The following ERBIN variants were observed in gnomAD, a reference collection of about 807,000 sequenced individuals.
ERBIN encodes densin-180-like protein.
Under a neutral mutation model 158.4 loss-of-function variants are expected in ERBIN, and 60 were observed. That is an observed-to-expected ratio of 0.38 (90% CI 0.31 to 0.47). The LOEUF is 0.47. Ranked by LOEUF, ERBIN falls within the 20% of genes least tolerant of loss-of-function variation. The pLI, the probability that ERBIN is intolerant of heterozygous loss-of-function variation, is 0.99. For missense variants in ERBIN, 1,610 were observed against 1,648.0 expected (o/e 0.98, Z 0.40); for synonymous variants, 594 against 557.2 (o/e 1.07, Z -0.93).
intron 1 of ERBIN, among the ~76,000 whole-genome samples, chr5:65,972,155 A>T (rs1339886347): frequency 1.3e-5 from 2 of 152,170 alleles, no homozygotes; most frequent in Non-Finnish European, 2.9e-5. Context: ...TGTCCATCTT[A>T]GTATTGCCAG....
intron 1 of ERBIN, among the ~76,000 whole-genome samples, chr5:65,961,655 T>C (rs1337148325): frequency 1.3e-5 from 2 of 152,206 alleles, no homozygotes; most frequent in Non-Finnish European, 2.9e-5. Flanking sequence ...TCTAGACTTA[T>C]TTCCATTAGG....
intron 1 of ERBIN, among the ~76,000 whole-genome samples, chr5:65,955,966 T>G (rs1392914756): frequency 6.6e-6 from 1 of 152,198 alleles, no homozygotes; most frequent in Non-Finnish European, 1.5e-5. Context: ...TACCCGCCCA[T>G]TAGTCACTTA....
chr5:65,967,261 A>C (rs1161197705), intron 1 of ERBIN, among the ~76,000 whole-genome samples: 1 of 152,246 alleles, frequency 6.6e-6, no homozygotes, highest in Non-Finnish European at 1.5e-5. Flanking sequence ...AAATAAATTT[A>C]CATAGCCTAA....
At chr5:66,057,407 A>T (rs1024344364) in intron 21 of ERBIN, among the ~76,000 whole-genome samples, 2 of 152,212 alleles carry the variant, frequency 1.3e-5, no homozygotes, top group Admixed American at 1.3e-4. Flanking sequence ...ATACAAAGAA[A>T]TTATCAGCTG....
Position 66,054,232 on chromosome 5 carries a change from T to C in ERBIN, c.2914T>C (p.Tyr972His), listed in dbSNP as rs561804124. 24 of 1,614,088 alleles carry C rather than the reference T, an allele frequency of 1.5e-5. No individual in the cohort carries two copies. Among genetic ancestry groups the C allele is most frequent in the Non-Finnish European group, 2.0e-5 (24 of 1,180,016 alleles). ...TGGCCCACAATCTGCACCTCAAATATATGGTCCTCCACAGTATAATATCCA... is the reference window on the plus strand; with the variant it reads ...TGGCCCACAATCTGCACCTCAAATACATGGTCCTCCACAGTATAATATCCA... ...TSGPQSAPQI[Y>H]GPPQYNIQYS... The change falls in exon 21 of 26, where the codon TAT (tyrosine) becomes CAT (histidine). Residue 972 changes from tyrosine (Y) to histidine (H), a missense_variant. Physicochemically the swap from Tyr to His is moderately conservative, Grantham distance 83. Around this residue, in one of 2 missense-constraint regions of ERBIN, gnomAD observed 1,014 missense variants for 936.1 expected, o/e 1.08. Coordinates refer to ENST00000284037, the MANE Select transcript of ERBIN (RefSeq NM_001253697.2).
chr5:66,018,273 G>A (rs1053136108), intron 7 of ERBIN, among the ~76,000 whole-genome samples: 14 of 148,336 alleles, frequency 9.4e-5, no homozygotes, highest in African/African-American at 2.2e-4. Flanking sequence ...TAGTATTGTC[G>A]TTTTAATTAT....
chr5:65,985,494 G>C (rs925552709), intron 1 of ERBIN, among the ~76,000 whole-genome samples: 1 of 152,154 alleles, frequency 6.6e-6, no homozygotes, highest in African/African-American at 2.4e-5. Flanking sequence ...CAAAAATAAC[G>C]AGTGAATATT....
At chr5:66,055,352 A>G (rs1019633103) in intron 21 of ERBIN, among the ~76,000 whole-genome samples, 1 of 152,218 alleles carries the variant, frequency 6.6e-6, no homozygotes, top group African/African-American at 2.4e-5. Flanking sequence ...TGCAAATGTA[A>G]ATATTTCATC....
intron 18 of ERBIN, among the ~76,000 whole-genome samples, chr5:66,047,831 A>C (rs1482832657): frequency 6.6e-6 from 1 of 152,020 alleles, no homozygotes; most frequent in Non-Finnish European, 1.5e-5. Flanking sequence ...CAGTGAACTT[A>C]TGACTCATTT....
chr5:65,986,628 CTT>C (rs1186877342), intron 1 of ERBIN, among the ~76,000 whole-genome samples: 3 of 152,150 alleles, frequency 2.0e-5, no homozygotes, highest in Non-Finnish European at 2.9e-5. Flanking sequence ...GATGTATGTA[CTT>C]TTTATTAAGA....
chr5:66,065,525 A>C (rs576874485), intron 21 of ERBIN, among the ~76,000 whole-genome samples: 30 of 151,402 alleles, frequency 2.0e-4, no homozygotes, highest in African/African-American at 7.3e-4. Context: ...AAACTTTACT[A>C]TATGGGGTCT....
chr5:66,024,594 G>C (rs990323919), intron 10 of ERBIN, 144 bp downstream of exon 10: 32 of 722,136 alleles, frequency 4.4e-5, no homozygotes, highest in African/African-American at 3.9e-4. Context: ...GGTGTGATCA[G>C]TTGTACAGTT....
intron 6 of ERBIN, 86 bp from the exon 7 acceptor site, chr5:66,014,583 C>A: frequency 1.6e-6 from 1 of 625,110 alleles, no homozygotes; most frequent in Admixed American, 3.6e-5. Context: ...AATTACATTG[C>A]TTCCTTTAAA....
At chr5:66,070,406 G>T (rs1052367143) in intron 21 of ERBIN, among the ~76,000 whole-genome samples, 40 of 152,154 alleles carry the variant, frequency 2.6e-4, no homozygotes, top group African/African-American at 9.7e-4. Context: ...CATTCCAAGA[G>T]TCCCTGGGGG....
At chr5:65,987,140 A>G (rs1309553283) in intron 1 of ERBIN, among the ~76,000 whole-genome samples, 2 of 152,140 alleles carry the variant, frequency 1.3e-5, no homozygotes, top group African/African-American at 4.8e-5. Context: ...TCAGAATATA[A>G]GTCTTTGATT....
intron 14 of ERBIN, among the ~76,000 whole-genome samples, chr5:66,036,313 C>T (rs1234781106): frequency 1.3e-5 from 2 of 152,080 alleles, no homozygotes; most frequent in Admixed American, 6.6e-5. Context: ...TACTTAAAAC[C>T]TTTTCATTGT....
chr5:66,058,795 C>G (rs1166416721), intron 21 of ERBIN, among the ~76,000 whole-genome samples: 18 of 151,630 alleles, frequency 1.2e-4, no homozygotes, highest in Non-Finnish European at 7.4e-5. Context: ...AATAGGGAAT[C>G]CTTTCCCCAT....
intron 1 of ERBIN, among the ~76,000 whole-genome samples, chr5:65,953,067 G>T (rs1746708864): frequency 6.6e-6 from 1 of 152,164 alleles, no homozygotes; most frequent in Admixed American, 6.5e-5. Flanking sequence ...GTATCAGACT[G>T]TGGTGGTACA....
chr5:65,976,277 C>T (rs1012021614), intron 1 of ERBIN, among the ~76,000 whole-genome samples: 1 of 152,160 alleles, frequency 6.6e-6, no homozygotes, highest in South Asian at 2.1e-4. Flanking sequence ...AGTTTGAGAC[C>T]ATCTGGCGAA....
Sources: allele counts gnomAD v4.1 joint callset (sites outside exome capture counted in the v4.1 genomes callset), GRCh38; gene constraint gnomAD v4.1.1; regional missense constraint gnomAD v4.1.1; transcripts MANE v1.5; gene names NCBI Gene and HGNC (gene_info 2026-07-23, HGNC 2026-07-21).